IFT80: variants seen among roughly 807,000 people sequenced by gnomAD.
IFT80 encodes intraflagellar transport protein 80 homolog.
In IFT80, 79 loss-of-function variants were observed where a neutral mutation model predicts 107.9. That is an observed-to-expected ratio of 0.73 (90% CI 0.61 to 0.88). The LOEUF (loss-of-function observed/expected upper bound fraction) is 0.88, where lower values mean the gene tolerates loss of function less well. Ranked by LOEUF, IFT80 falls within the 40% of genes least tolerant of loss-of-function variation. The probability of loss-of-function intolerance (pLI) is 0.00; values close to 1 mark genes in which losing one functional copy is unlikely to be tolerated. For synonymous variants in IFT80, 299 were observed against 300.9 expected, an observed-to-expected ratio of 0.99 and a Z score of 0.07; for missense variants, 797 against 914.2, an observed-to-expected ratio of 0.87 and a Z score of 1.65.
At chr3:160,381,164 G>A (rs542592557) in intron 3 of IFT80, among the ~76,000 whole-genome samples, 2 of 149,028 alleles carry the variant, frequency 1.3e-5, no homozygotes, top group Non-Finnish European at 3.0e-5. Flanking sequence ...GTGAGCCCAG[G>A]AGTTTGAAGC....
chr3:160,323,468 C>T (rs540317753), intron 8 of IFT80, among the ~76,000 whole-genome samples: 1 of 152,088 alleles, frequency 6.6e-6, no homozygotes, highest in East Asian at 1.9e-4. Context: ...AGTCAGGTAG[C>T]ATGATGCCTC....
At chr3:160,275,130 T>C (rs1714155609) in intron 18 of IFT80, among the ~76,000 whole-genome samples, 1 of 152,210 alleles carries the variant, frequency 6.6e-6, no homozygotes, top group Admixed American at 6.5e-5. Context: ...AACGACATGA[T>C]ATATAGCAAG....
At chr3:160,263,555 C>T (rs781163481) in intron 19 of IFT80, among the ~76,000 whole-genome samples, 9 of 152,164 alleles carry the variant, frequency 5.9e-5, no homozygotes, top group African/African-American at 1.2e-4. Flanking sequence ...ATAACTCGTA[C>T]GTTTGCTCTT....
chr3:160,329,036 T>A (rs952638212), intron 8 of IFT80, among the ~76,000 whole-genome samples: 2 of 152,060 alleles, frequency 1.3e-5, no homozygotes, highest in Admixed American at 6.6e-5. Context: ...GAAAAATAAC[T>A]AATGGATACT....
At chr3:160,322,882 T>C (rs929580334) in intron 8 of IFT80, among the ~76,000 whole-genome samples, 8 of 152,090 alleles carry the variant, frequency 5.3e-5, no homozygotes, top group Non-Finnish European at 8.8e-5. Context: ...TTGATGGGGT[T>C]GTTTGTTTTT....
intron 12 of IFT80, among the ~76,000 whole-genome samples, chr3:160,295,620 G>T (rs532044356): frequency 1.3e-5 from 2 of 151,954 alleles, no homozygotes; most frequent in East Asian, 3.9e-4. Flanking sequence ...GTTAAAAATA[G>T]AACTACCCAG....
chr3:160,290,424 A>AG (rs1441906433), intron 12 of IFT80, among the ~76,000 whole-genome samples: 1 of 150,206 alleles, frequency 6.7e-6, no homozygotes, highest in African/African-American at 2.5e-5. Context: ...AAAAAAAAAA[A>AG]GAAAAAAAAA....
At position 160,277,294 on chromosome 3, in the gene IFT80, C is replaced by G; in HGVS notation, c.2099+12G>C. ...AACAGATTTTGGAACTGATGGAAAGCATTCTTATTACCTTTCCCAGTTGTA... is the reference window on the plus strand; with the variant it reads ...AACAGATTTTGGAACTGATGGAAAGGATTCTTATTACCTTTCCCAGTTGTA... On this transcript the variant is annotated intron_variant, in intron 18 of 19. Transcript: ENST00000326448. The G allele has an allele frequency of 6.2e-7, 1 of 1,607,462 alleles. No homozygotes were observed. The highest frequency in any genetic ancestry group is 2.2e-5 in the East Asian group (1 of 44,778).
In IFT80 at chr3:160,282,538, T is replaced by C. The variant is rs768422367; in HGVS notation, c.1456A>G (p.Arg486Gly). 1.3e-6 allele frequency: 2 copies of C among 1,592,824 alleles called. No individual in the cohort carries two copies. The highest frequency in any genetic ancestry group is 2.2e-5 in the East Asian group (1 of 44,578). The change falls in exon 14 of 20, where the codon AGA becomes GGA. Residue 486 changes from arginine to glycine, a missense_variant. By Grantham distance (125) the Arg-to-Gly change is moderately radical. Transcript: ENST00000326448. The stretch of plus-strand genomic sequence containing the variant: ...TTCACAGAAGTGATACAGAGATCTC[T>C]ATTTTTATCAATGAAAGCAATTTTT... ...DRKIAFIDKN[R>G]DLCITSVKRF...
intron 12 of IFT80, among the ~76,000 whole-genome samples, chr3:160,299,841 C>G (rs1716277432): frequency 6.6e-6 from 1 of 152,128 alleles, no homozygotes; most frequent in Non-Finnish European, 1.5e-5. Flanking sequence ...CCGACCCCCT[C>G]CAAATGACCT....
At chr3:160,341,945 A>G (rs1158248081) in intron 8 of IFT80, among the ~76,000 whole-genome samples, 1 of 152,208 alleles carries the variant, frequency 6.6e-6, no homozygotes, top group African/African-American at 2.4e-5. Context: ...ATCAACTAAA[A>G]GAAAACATAG....
intron 6 of IFT80, 129 bp from the exon 7 acceptor site, chr3:160,357,707 T>A (rs1443174168): frequency 1.6e-6 from 1 of 638,242 alleles, no homozygotes; most frequent in Admixed American, 2.7e-5. Context: ...ATCTTCCTTT[T>A]ATAGCCAATG....
chr3:160,319,655 T>G (rs1442569369), intron 9 of IFT80, 105 bp downstream of exon 9: 1 of 1,030,428 alleles, frequency 9.7e-7, no homozygotes, highest in African/African-American at 1.6e-5. Context: ...TGACTGAATT[T>G]TTATAAGCTT....
At chr3:160,268,678 T>C in intron 18 of IFT80, 142 bp from the exon 19 acceptor site, 2 of 785,054 alleles carry the variant, frequency 2.5e-6, no homozygotes, top group South Asian at 3.2e-5. Flanking sequence ...ACCTCATCCA[T>C]CTTGCAAATT....
intron 8 of IFT80, among the ~76,000 whole-genome samples, chr3:160,339,912 T>C (rs1719764426): frequency 6.6e-6 from 1 of 152,166 alleles, no homozygotes; most frequent in Non-Finnish European, 1.5e-5. Context: ...CTTGAAAAAG[T>C]GTGAGACTGA....
Position 160,258,481 on chromosome 3 carries a change from A to AT in IFT80, c.*43_*44insA, listed in dbSNP as rs1246546213. On this transcript the variant is annotated 3_prime_UTR_variant, in exon 20 of 20. Transcript: ENST00000326448. ...AACATGCTTACCCTTGGTTAATCAG[A>AT]ACGTGTTTCAAAAGATAAAATTTCT... is the stretch of plus-strand genomic sequence containing the variant. 6.2e-7 allele frequency: 1 copy of AT among 1,612,060 alleles called. No individual in the cohort carries two copies. Among genetic ancestry groups the AT allele is most frequent in the African/African-American group, 1.3e-5 (1 of 74,874 alleles).
chr3:160,331,242 C>T (rs542999144), intron 8 of IFT80, among the ~76,000 whole-genome samples: 20 of 152,182 alleles, frequency 1.3e-4, no homozygotes, highest in Non-Finnish European at 2.4e-4. Context: ...ACTAAGCCAG[C>T]TACTAAGTAA....
intron 8 of IFT80, chr3:160,342,953 A>C (rs181514776): frequency 2.6e-5 from 4 of 155,914 alleles, no homozygotes; most frequent in African/African-American, 9.6e-5. Flanking sequence ...AATCCAAAGC[A>C]ATCTTCCTGC....
At chr3:160,361,768 G>C (rs532842886) in intron 6 of IFT80, among the ~76,000 whole-genome samples, 6 of 152,268 alleles carry the variant, frequency 3.9e-5, no homozygotes, top group Non-Finnish European at 5.9e-5. Flanking sequence ...ACCTGCTCCT[G>C]AATGACTACT....
Sources: allele counts gnomAD v4.1 joint callset (sites outside exome capture counted in the v4.1 genomes callset), GRCh38; gene constraint gnomAD v4.1.1; transcripts MANE v1.5; gene names NCBI Gene and HGNC (gene_info 2026-07-23, HGNC 2026-07-21).